STPG2: variants seen among roughly 807,000 people sequenced by gnomAD.
STPG2 encodes the protein sperm tail PG-rich repeat containing 2, also known as sperm-tail PG-rich repeat-containing protein 2.
A neutral mutation model predicts 54.2 loss-of-function variants in STPG2; 56 were observed. The observed-to-expected ratio is 1.03, with a 90% CI of 0.83 to 1.29. STPG2 has a LOEUF of 1.29. Ranked by LOEUF, STPG2 falls within the 50% of genes most tolerant of loss-of-function variation. STPG2 has a pLI of 0.00. For synonymous variants in STPG2, 200 were observed against 181.8 expected (o/e 1.10, Z -0.81); for missense variants, 596 against 544.9 (o/e 1.09, Z -0.93).
chr4:97,753,064 TGTG>T (rs1297858082), intron 9 of STPG2, among the ~76,000 whole-genome samples: 2 of 151,938 alleles, frequency 1.3e-5, no homozygotes, highest in Non-Finnish European at 2.9e-5. Flanking sequence ...TATTTTTCAT[TGTG>T]GTAAAATATA....
chr4:97,759,946 C>T (rs1382216110), intron 9 of STPG2, among the ~76,000 whole-genome samples: 1 of 152,136 alleles, frequency 6.6e-6, no homozygotes, highest in Non-Finnish European at 1.5e-5. Flanking sequence ...TAAGTTTCCT[C>T]AAGTATGAAT....
chr4:98,011,964 T>C (rs1735766418), intron 5 of STPG2, among the ~76,000 whole-genome samples: 1 of 152,234 alleles, frequency 6.6e-6, no homozygotes, highest in African/African-American at 2.4e-5. Flanking sequence ...TTAGTTTAAA[T>C]AGATCCCATT....
At chr4:97,502,652 T>C (rs959661649) in intron 4 of STPG2, among the ~76,000 whole-genome samples, 10 of 151,380 alleles carry the variant, frequency 6.6e-5, no homozygotes, top group Non-Finnish European at 8.8e-5. Context: ...TGGTGGTAAA[T>C]ATTGAATTTA....
rs182187521 is a variant in STPG2 at position 97,643,265 on chromosome 4, C to T, written c.1320+69434G>A. On this transcript the variant is annotated intron_variant, in intron 10 of 10. Transcript: ENST00000295268. The stretch of plus-strand genomic sequence containing the variant: ...TTAAAGATATTGCCAAAATTATCTC[C>T]ATTTTCTAACAGGCTATTTAAATTA... Among the ~76,000 whole-genome samples, 557 of 151,602 alleles carry T rather than the reference C, an allele frequency of 3.7e-3. 8 individuals carry two copies. Among genetic ancestry groups the T allele is most frequent in the Non-Finnish European group, 5.2e-3 (354 of 67,572 alleles).
Position 97,944,237 on chromosome 4 carries a change from T to A in STPG2, c.934-230A>T, listed in dbSNP as rs1214091101. On this transcript the variant is annotated intron_variant, in intron 7 of 10. Transcript: ENST00000295268. Reference sequence around the variant, plus strand: ...GATTATATGAACCTCTAGGTAAGTATAATGGATCTGCACACATTACTTAAA... The same window carrying A: ...GATTATATGAACCTCTAGGTAAGTAAAATGGATCTGCACACATTACTTAAA... Among the ~76,000 whole-genome samples the A allele has an allele frequency of 2.0e-5, 3 of 152,234 alleles. No individual in the cohort carries two copies. The East Asian group carries it at 5.8e-4, about 29-fold the overall frequency.
chr4:97,529,760 T>A (rs1414092680), intron 4 of STPG2, among the ~76,000 whole-genome samples: 1 of 152,302 alleles, frequency 6.6e-6, no homozygotes, highest in East Asian at 1.9e-4. Flanking sequence ...TTTTCTAGTT[T>A]ATTTGAGTAG....
intron 5 of STPG2, among the ~76,000 whole-genome samples, chr4:98,003,585 C>T (rs956287851): frequency 1.3e-5 from 2 of 152,040 alleles, no homozygotes; most frequent in South Asian, 2.1e-4. Context: ...ATATATGCCA[C>T]TTAAAAAGAC....
chr4:97,953,440 T>G (rs932664196), intron 7 of STPG2, among the ~76,000 whole-genome samples: 2 of 152,198 alleles, frequency 1.3e-5, no homozygotes, highest in African/African-American at 4.8e-5. Context: ...GCCATGCTTC[T>G]CCCAGTCTGC....
At chr4:97,947,351 C>T (rs1733273879) in intron 7 of STPG2, among the ~76,000 whole-genome samples, 1 of 152,072 alleles carries the variant, frequency 6.6e-6, no homozygotes, top group Non-Finnish European at 1.5e-5. Context: ...CATTGGTGAA[C>T]AGCAATAGTT....
chr4:98,009,444 A>C (rs1385490669), intron 5 of STPG2, among the ~76,000 whole-genome samples: 1 of 152,024 alleles, frequency 6.6e-6, no homozygotes, highest in Non-Finnish European at 1.5e-5. Flanking sequence ...ATTCAAAAAG[A>C]TACTTAATAT....
intron 7 of STPG2, among the ~76,000 whole-genome samples, chr4:97,959,447 G>C (rs566806090): frequency 3.3e-4 from 50 of 152,044 alleles, no homozygotes; most frequent in African/African-American, 1.2e-3. Flanking sequence ...AAAATTGATA[G>C]GCCATTAGCA....
At chr4:98,100,620 C>A (rs1738996427) in intron 5 of STPG2, among the ~76,000 whole-genome samples, 1 of 151,188 alleles carries the variant, frequency 6.6e-6, no homozygotes, top group Non-Finnish European at 1.5e-5. Flanking sequence ...CTATCACACA[C>A]CAAATTTACC....
intron 4 of STPG2, among the ~76,000 whole-genome samples, chr4:97,525,563 C>T (rs78583855): frequency 0.016 from 2,478 of 151,948 alleles, 53 homozygotes; most frequent in African/African-American, 0.057. Flanking sequence ...CTACACTGTT[C>T]GAAGAAAAAT....
chr4:97,491,637 A>G (rs1730505778), intron 4 of STPG2, among the ~76,000 whole-genome samples: 1 of 151,626 alleles, frequency 6.6e-6, no homozygotes, highest in African/African-American at 2.4e-5. Flanking sequence ...GAGTACATGC[A>G]AAGGCACAGA....
chr4:97,514,573 A>G (rs1402248389), intron 4 of STPG2, among the ~76,000 whole-genome samples: 2 of 152,170 alleles, frequency 1.3e-5, no homozygotes, highest in African/African-American at 2.4e-5. Context: ...ATGATTTACT[A>G]TGACTTAAAT....
intron 5 of STPG2, among the ~76,000 whole-genome samples, chr4:98,035,029 T>C (rs761162637): frequency 4.6e-5 from 7 of 152,188 alleles, no homozygotes; most frequent in Admixed American, 1.3e-4. Context: ...ATTCAGGACA[T>C]AGGCATGGGC....
intron 8 of STPG2, chr4:97,916,591 G>T (rs190981494): frequency 6.5e-6 from 1 of 152,846 alleles, no homozygotes; most frequent in African/African-American, 2.4e-5. Context: ...GGCTGGCACC[G>T]AAACAATGCT....
chr4:97,769,024 A>G (rs578236013), intron 9 of STPG2, among the ~76,000 whole-genome samples: 5 of 152,338 alleles, frequency 3.3e-5, no homozygotes, highest in Non-Finnish European at 7.4e-5. Flanking sequence ...TTTAGCCTTT[A>G]GAGAAGAAAG....
intron 5 of STPG2, among the ~76,000 whole-genome samples, chr4:97,994,608 A>T (rs1412457424): frequency 6.6e-6 from 1 of 151,894 alleles, no homozygotes; most frequent in African/African-American, 2.4e-5. Context: ...GAGATACTGA[A>T]CTCCAGGCTG....
Sources: allele counts gnomAD v4.1 joint callset (sites outside exome capture counted in the v4.1 genomes callset), GRCh38; gene constraint gnomAD v4.1.1; transcripts MANE v1.5; gene names NCBI Gene and HGNC (gene_info 2026-07-23, HGNC 2026-07-21).